Variants in PKP1 observed in about 807,000 individuals in gnomAD.
The protein encoded by PKP1 is plakophilin 1, also known as plakophilin-1.
Under a neutral mutation model 76.4 loss-of-function variants are expected in PKP1, and 27 were observed. That is an observed-to-expected ratio of 0.35 (90% confidence interval 0.26 to 0.49). The LOEUF is 0.49. PKP1 is among the 20% of genes least tolerant of loss of function. The probability of loss-of-function intolerance (pLI) is 0.99; values close to 1 mark genes in which losing one functional copy is unlikely to be tolerated. For missense variants in PKP1, 964 were observed against 955.2 expected (o/e 1.01, Z -0.12); for synonymous variants, 404 against 384.2 (o/e 1.05, Z -0.60).
chr1:201,296,053 A>G (rs1401658706), intron 2 of PKP1, among the ~76,000 whole-genome samples: 1 of 152,086 alleles, frequency 6.6e-6, no homozygotes, highest in Non-Finnish European at 1.5e-5. Context: ...TCCCCACCCT[A>G]AGACCCAACC....
In PKP1 at chr1:201,325,875, T is replaced by G. The variant is rs773585968; in HGVS notation, c.2106+37T>G. The G allele has an allele frequency of 4.3e-5, 65 of 1,519,226 alleles. 1 individual carries two copies. The Admixed American group carries it at 1.1e-3, about 25-fold the overall frequency. The allele number at this position is 1,519,226 out of a possible 1,614,324, so 94.1% of individuals were successfully genotyped here. ...GGACATCATCCTCTTCTGAGGTTCT[T>G]CCTGCTCATGAGCAGAGGGCCTGGC... On this transcript the variant is annotated intron_variant, in intron 12 of 13. Coordinates refer to ENST00000367324, the MANE Select transcript of PKP1 (RefSeq NM_001005337.3).
intron 2 of PKP1, among the ~76,000 whole-genome samples, chr1:201,302,866 G>GCCGAACTT (rs1206686455): frequency 6.6e-6 from 1 of 152,226 alleles, no homozygotes; most frequent in African/African-American, 2.4e-5. Context: ...CTGCCGAACT[G>GCCGAACTT]CCGAACTGCC....
At chr1:201,327,515 A>C (rs1002591272) in intron 12 of PKP1, among the ~76,000 whole-genome samples, 4 of 152,210 alleles carry the variant, frequency 2.6e-5, no homozygotes, top group Non-Finnish European at 5.9e-5. Flanking sequence ...CAGATAGACA[A>C]AGGGAGACGA....
chr1:201,307,790 T>G (rs1381164130), intron 2 of PKP1, among the ~76,000 whole-genome samples: 1 of 152,174 alleles, frequency 6.6e-6, no homozygotes, highest in Non-Finnish European at 1.5e-5. Flanking sequence ...CTAATCAAGG[T>G]TCTTTCTCCA....
rs745732949 is a variant in PKP1, at chr1:201,324,526, C to G, written c.1779C>G (p.Ser593=). The change falls in exon 10 of 14, where the codon TCC becomes TCG. Residue 593 remains serine, a synonymous_variant. Transcript: ENST00000367324. ...CTGGCAACTCTGATGTGGTGCGGTC[C>G]GGAGCCTCCCTCCTGAGCAACATGT... The part of the protein sequence containing the change: ...LQSGNSDVVR[S]GASLLSNMSR... 1.2e-6 allele frequency: 2 copies of G among 1,614,042 alleles called. No homozygotes were observed. The highest frequency in any genetic ancestry group is 1.6e-4 in the Middle Eastern group (1 of 6,062).
chr1:201,328,619 T>C (rs1442553990), intron 12 of PKP1, 143 bp from the exon 13 acceptor site: 3 of 755,194 alleles, frequency 4.0e-6, no homozygotes, highest in Non-Finnish European at 4.8e-6. Flanking sequence ...CTGAGGCCAG[T>C]TTTCGCCCTG....
chr1:201,322,575 C>T (rs1376048537), intron 8 of PKP1, among the ~76,000 whole-genome samples: 1 of 152,160 alleles, frequency 6.6e-6, no homozygotes, highest in African/African-American at 2.4e-5. Flanking sequence ...TGTCAGGTCT[C>T]CTTCACTGGG....
chr1:201,329,303 T>G (rs1213828135), intron 13 of PKP1, among the ~76,000 whole-genome samples: 3 of 152,172 alleles, frequency 2.0e-5, no homozygotes, highest in Non-Finnish European at 4.4e-5. Flanking sequence ...GTGGACAAGT[T>G]TATTTCCAGC....
chr1:201,318,607 C>T lies in PKP1; in HGVS notation c.1055-11C>T, dbSNP rs763558943. 1 of 1,611,960 alleles carries T rather than the reference C, an allele frequency of 6.2e-7. No individual in the cohort carries two copies. Among genetic ancestry groups the T allele is most frequent in the South Asian group, 1.1e-5 (1 of 90,978 alleles). ...CTGGCACAAATTGGGTTGATGGTCT[C>T]TGACCCCCAGGGCTGCTCTGGAACC... On this transcript the variant is annotated splice_polypyrimidine_tract_variant and intron_variant, in intron 5 of 13. Transcript: ENST00000367324.
chr1:201,290,701 C>A (rs376654120), intron 1 of PKP1, among the ~76,000 whole-genome samples: 3 of 152,278 alleles, frequency 2.0e-5, no homozygotes, highest in Middle Eastern at 3.4e-3. Context: ...ACGCAAAGAG[C>A]CAGCTCAAGC....
At chr1:201,306,006 T>C (rs1237144966) in intron 2 of PKP1, among the ~76,000 whole-genome samples, 1 of 152,130 alleles carries the variant, frequency 6.6e-6, no homozygotes, top group Non-Finnish European at 1.5e-5. Flanking sequence ...TGAGGGCCAG[T>C]GGTCCTCCAC....
intron 1 of PKP1, among the ~76,000 whole-genome samples, chr1:201,284,728 T>C (rs1655678315): frequency 1.3e-5 from 2 of 152,138 alleles, no homozygotes; most frequent in Non-Finnish European, 2.9e-5. Context: ...CCCACCCAGC[T>C]TAGGTAGAAA....
At chr1:201,310,331 A>C (rs995629925) in intron 2 of PKP1, among the ~76,000 whole-genome samples, 1 of 152,248 alleles carries the variant, frequency 6.6e-6, no homozygotes. Context: ...AGATGGAAAA[A>C]CTGAGGCACG....
chr1:201,294,216 G>A (rs1470903233), intron 2 of PKP1, among the ~76,000 whole-genome samples, 171 bp downstream of exon 2: 1 of 152,202 alleles, frequency 6.6e-6, no homozygotes, highest in Non-Finnish European at 1.5e-5. Context: ...TGTTTCATAG[G>A]TGGCTCTCGT....
At chr1:201,283,995 G>T in intron 1 of PKP1, 91 bp downstream of exon 1, 1 of 1,194,176 alleles carries the variant, frequency 8.4e-7, no homozygotes, top group Non-Finnish European at 1.2e-6. Context: ...CATCCCCGGG[G>T]ATGAGGGGAG....
chr1:201,327,442 G>A (rs1283525123), intron 12 of PKP1, among the ~76,000 whole-genome samples: 1 of 152,220 alleles, frequency 6.6e-6, no homozygotes, highest in Non-Finnish European at 1.5e-5. Context: ...TTCTCCATGT[G>A]ACAATCCAGA....
chr1:201,303,742 T>C lies in PKP1; in HGVS notation c.307-9424T>C, dbSNP rs555086978. Among the ~76,000 whole-genome samples the C allele has an allele frequency of 2.0e-4, 30 of 152,272 alleles. 1 individual carries two copies. In the South Asian group the frequency reaches 6.0e-3, roughly 31 times the overall value. ...GGAAAAAGAAGTCCTTTCTATGAGT[T>C]TCAATGTTAGATATTGCTGTGTCCT... On this transcript the variant is annotated intron_variant, in intron 2 of 13. Coordinates refer to ENST00000367324, the MANE Select transcript of PKP1 (RefSeq NM_001005337.3).
chr1:201,283,716 C>A lies in PKP1; in HGVS notation c.14C>A (p.Pro5Gln). 1 of 1,613,860 alleles carries A rather than the reference C, an allele frequency of 6.2e-7. No individual in the cohort carries two copies. The highest frequency in any genetic ancestry group is 8.5e-7 in the Non-Finnish European group (1 of 1,179,854). The change falls in exon 1 of 14, where the codon CCG (proline) becomes CAG (glutamine). Residue 5 changes from proline (P) to glutamine (Q), a missense_variant. By Grantham distance (76) the Pro-to-Gln change is moderately conservative (BLOSUM62 -1). Coordinates refer to ENST00000367324, the MANE Select transcript of PKP1 (RefSeq NM_001005337.3). Reference sequence around the variant, plus strand: ...CCTCCCGCCACCATGAACCACTCGCCGCTCAAGACCGCCTTGGCGTACGAA... The same window carrying A: ...CCTCCCGCCACCATGAACCACTCGCAGCTCAAGACCGCCTTGGCGTACGAA... MNHSPLKTALAYECF... is the reference protein window; with the variant it reads MNHSQLKTALAYECF...
rs1029165871 is a variant in PKP1, at chr1:201,330,970, T to A, written c.*929T>A. 1.3e-5 allele frequency: 2 copies of A among 152,208 alleles called. No homozygotes were observed. Among genetic ancestry groups the A allele is most frequent in the African/African-American group, 4.8e-5 (2 of 41,438 alleles). 9.4% of individuals were successfully genotyped at this position (152,208 alleles called of 1,614,324 possible). ...GAAAGAAGGTAAAAAATGATTTTTT[T>A]AAGAAAAGCTATTTTATTGCAGCTC... On this transcript the variant is annotated 3_prime_UTR_variant, in exon 14 of 14. Coordinates refer to ENST00000367324, the MANE Select transcript of PKP1 (RefSeq NM_001005337.3).
Sources: gnomAD v4.1 joint callset for allele counts (sites outside exome capture counted in the v4.1 genomes callset) on GRCh38, gnomAD v4.1.1 for gene constraint, MANE v1.5 for transcripts, NCBI Gene and HGNC (gene_info 2026-07-23, HGNC 2026-07-21) for gene names.